AGBL1: variants seen among roughly 807,000 people sequenced by gnomAD.
The protein encoded by AGBL1 is cytosolic carboxypeptidase 4.
In AGBL1, 130 loss-of-function variants were observed where a neutral mutation model predicts 118.9. The ratio of observed to expected loss-of-function variants is 1.09; its 90% CI spans 0.95 to 1.26. The LOEUF (loss-of-function observed/expected upper bound fraction) is 1.26. Among genes scored for constraint, AGBL1 ranks in the 50% most tolerant of loss-of-function variants. The probability of loss-of-function intolerance (pLI) is 0.00; values close to 1 mark genes in which losing one functional copy is unlikely to be tolerated. For missense variants in AGBL1, 1,584 were observed against 1,298.1 expected (o/e 1.22, Z -3.38); for synonymous variants, 555 against 478.9 (o/e 1.16, Z -2.08).
At chr15:86,241,279 T>A (rs1312898451) in intron 6 of AGBL1, among the ~76,000 whole-genome samples, 1 of 152,228 alleles carries the variant, frequency 6.6e-6, no homozygotes, top group Non-Finnish European at 1.5e-5. Context: ...GAAATTTGGA[T>A]GCCATCTTTG....
chr15:86,140,910 A>G (rs141771718), intron 1 of AGBL1, among the ~76,000 whole-genome samples: 2 of 152,352 alleles, frequency 1.3e-5, no homozygotes, highest in East Asian at 3.9e-4. Context: ...ACAAGATCAT[A>G]AAGAGCTTTG....
intron 5 of AGBL1, among the ~76,000 whole-genome samples, chr15:86,189,195 G>A (rs1275908670): frequency 6.6e-6 from 1 of 152,146 alleles, no homozygotes; most frequent in Non-Finnish European, 1.5e-5. Context: ...TTTCCCTGGG[G>A]TAGGTTAAAC....
chr15:86,310,096 A>G (rs2079897758), intron 17 of AGBL1, among the ~76,000 whole-genome samples: 1 of 151,912 alleles, frequency 6.6e-6, no homozygotes, highest in African/African-American at 2.4e-5. Flanking sequence ...TACAGATTCA[A>G]TCTCCTTACT....
downstream of AGBL1, among the ~76,000 whole-genome samples, chr15:86,917,947 A>T (rs2080445065): frequency 6.6e-6 from 1 of 152,180 alleles, no homozygotes; most frequent in African/African-American, 2.4e-5. The surrounding 1 kb of genome is among the most constrained non-coding windows in gnomAD (Gnocchi z 4.8). Flanking sequence ...TAGTCCCTCA[A>T]ATCTCTAGTA....
chr15:86,739,608 C>G lies in AGBL1; in HGVS notation c.3158+65172C>G, dbSNP rs377318223. Among the ~76,000 whole-genome samples the G allele has an allele frequency of 4.3e-4, 66 of 151,864 alleles. 1 individual carries two copies. In the South Asian group the frequency reaches 8.1e-3, roughly 19 times the overall value. On this transcript the variant is annotated intron_variant, in intron 22 of 22. Transcript: ENST00000614907. ...CAAAAGACCTGGGTTCAAATCCCAC[C>G]TCTGCCAACTAACTTACTGTACCAG...
At chr15:86,929,554 T>C (rs2080581654) in intron 23 of AGBL1, among the ~76,000 whole-genome samples, 1 of 152,032 alleles carries the variant, frequency 6.6e-6, no homozygotes, top group Non-Finnish European at 1.5e-5. Context: ...GTAATACTAA[T>C]GCTCTGGAAT....
chr15:86,669,157 C>T (rs2085697490), intron 21 of AGBL1, among the ~76,000 whole-genome samples: 1 of 151,350 alleles, frequency 6.6e-6, no homozygotes, highest in African/African-American at 2.4e-5. Flanking sequence ...AACAGGACTA[C>T]ACTACTGACA....
intron 18 of AGBL1, among the ~76,000 whole-genome samples, chr15:86,453,380 A>G (rs2082220142): frequency 6.6e-6 from 1 of 152,216 alleles, no homozygotes; most frequent in Admixed American, 6.5e-5. Flanking sequence ...CAAATCCAAT[A>G]CAGGCACAAT....
chr15:86,914,457 T>G lies in AGBL1; in HGVS notation c.*7163T>G, dbSNP rs923033356. The G allele has an allele frequency of 6.6e-6, 1 of 152,200 alleles. No individual in the cohort carries two copies. The highest frequency in any genetic ancestry group is 2.4e-5 in the African/African-American group (1 of 41,444). The allele number at this position is 152,200 out of a possible 1,614,324, so 9.4% of individuals were successfully genotyped here. A position where few individuals can be genotyped will look rare whatever the true frequency, so the allele number is the denominator to read the frequency against. ...TTTAGTAAATGATAGAGCTGGAATC[T>G]GTTCCCGGGGAAATCTGACTTCCTA... On this transcript the variant is annotated 3_prime_UTR_variant, in exon 23 of 23. Coordinates refer to ENST00000614907, the MANE Select transcript of AGBL1 (RefSeq NM_001386094.1).
chr15:86,864,812 G>A (rs547226198), intron 22 of AGBL1, among the ~76,000 whole-genome samples: 37 of 152,106 alleles, frequency 2.4e-4, no homozygotes, highest in Non-Finnish European at 3.2e-4. Context: ...GCAGCAAGTC[G>A]CCCTGGATTT....
intron 17 of AGBL1, among the ~76,000 whole-genome samples, chr15:86,371,995 G>C (rs1156983590): frequency 3.3e-5 from 5 of 152,142 alleles, no homozygotes; most frequent in African/African-American, 1.2e-4. Flanking sequence ...CATTTCTTAT[G>C]CTCCTTTGCC....
chr15:86,855,177 A>G (rs1461833545), intron 22 of AGBL1, among the ~76,000 whole-genome samples: 1 of 152,240 alleles, frequency 6.6e-6, no homozygotes, highest in Non-Finnish European at 1.5e-5. Context: ...AGCATAAATT[A>G]TATATATTCA....
chr15:86,693,877 T>C (rs1182058583), intron 22 of AGBL1, among the ~76,000 whole-genome samples: 1 of 152,228 alleles, frequency 6.6e-6, no homozygotes, highest in East Asian at 1.9e-4. Context: ...TATGTTTTTA[T>C]TTGCTTTGTT....
intron 22 of AGBL1, among the ~76,000 whole-genome samples, chr15:86,717,325 T>C (rs1381101133): frequency 2.6e-5 from 4 of 152,176 alleles, no homozygotes; most frequent in Non-Finnish European, 4.4e-5. Flanking sequence ...TGGGCTAATA[T>C]GGTCAGTGTG....
chr15:86,460,988 C>T (rs1266257854), intron 18 of AGBL1, among the ~76,000 whole-genome samples: 13 of 152,152 alleles, frequency 8.5e-5, no homozygotes, highest in Non-Finnish European at 1.5e-5. Context: ...GATTTCCACC[C>T]CAGAAGTTCA....
intron 18 of AGBL1, among the ~76,000 whole-genome samples, chr15:86,416,806 T>A (rs554467514): frequency 6.6e-6 from 1 of 152,324 alleles, no homozygotes; most frequent in South Asian, 2.1e-4. Flanking sequence ...TTGTTCAACC[T>A]AGTTTTTCAT....
intron 20 of AGBL1, among the ~76,000 whole-genome samples, chr15:86,548,639 A>C (rs536330061): frequency 6.8e-6 from 1 of 146,632 alleles, no homozygotes; most frequent in Non-Finnish European, 1.5e-5. Context: ...CAACAGAAGG[A>C]TAGCCACACA....
Position 86,256,756 on chromosome 15 carries a change from T to C in AGBL1, c.736-97T>C, listed in dbSNP as rs138799907. On this transcript the variant is annotated intron_variant, in intron 7 of 22. Transcript: ENST00000614907. ...ATTAGCTGAAACACAGCTAGGAGAC[T>C]GTGCTGTGTTACAGCTTGGAGAGTG... is the stretch of plus-strand genomic sequence containing the variant. 6,014 of 1,213,276 alleles carry C rather than the reference T, an allele frequency of 5.0e-3. 22 individuals carry two copies. The highest frequency in any genetic ancestry group is 5.5e-3 in the Non-Finnish European group (4,730 of 863,268). 75.2% of individuals were successfully genotyped at this position (1,213,276 alleles called of 1,614,324 possible).
chr15:86,126,504 A>G (rs1898440213), intron 1 of AGBL1, among the ~76,000 whole-genome samples: 1 of 152,226 alleles, frequency 6.6e-6, no homozygotes, highest in Admixed American at 6.5e-5. Flanking sequence ...AATAGATGGT[A>G]GAGTCTATAT....
Sources: allele counts gnomAD v4.1 joint callset (sites outside exome capture counted in the v4.1 genomes callset), GRCh38; gene constraint gnomAD v4.1.1; non-coding constraint Gnocchi (gnomAD v3.1); transcripts MANE v1.5; gene names NCBI Gene and HGNC (gene_info 2026-07-23, HGNC 2026-07-21).